Variants in DLGAP2 observed in about 807,000 individuals in gnomAD.
DLGAP2 encodes the protein disks large-associated protein 2.
In DLGAP2, 26 loss-of-function variants were observed where a neutral mutation model predicts 100.3. That is an observed-to-expected ratio of 0.26 (90% confidence interval 0.19 to 0.36). The LOEUF (loss-of-function observed/expected upper bound fraction) is 0.36, where lower values mean the gene tolerates loss of function less well. DLGAP2 is among the 10% of genes least tolerant of loss of function. The pLI, the probability that DLGAP2 is intolerant of heterozygous loss-of-function variation, is 1.00. For synonymous variants in DLGAP2, 886 were observed against 630.1 expected, an observed-to-expected ratio of 1.41 and a Z score of -6.08; for missense variants, 1,858 against 1,453.2, an observed-to-expected ratio of 1.28 and a Z score of -4.53.
At chr8:915,353 C>T (rs1405385533) in intron 2 of DLGAP2, among the ~76,000 whole-genome samples, 1 of 152,164 alleles carries the variant, frequency 6.6e-6, no homozygotes, top group Non-Finnish European at 1.5e-5. Flanking sequence ...CGGGACCGTC[C>T]TGGCTAACAC....
intron 2 of DLGAP2, among the ~76,000 whole-genome samples, chr8:960,274 C>T (rs953269535): frequency 9.3e-5 from 7 of 75,558 alleles, no homozygotes; most frequent in East Asian, 6.7e-4. Flanking sequence ...CTCACGCTGT[C>T]GTCCATGCTG....
At position 1,283,402 on chromosome 8, in the gene DLGAP2, C is replaced by T. The variant is rs115700810; in HGVS notation, c.106+24519C>T. 5.0e-3 allele frequency among the ~76,000 whole-genome samples: 763 copies of T among 152,288 alleles called. 9 individuals carry two copies. Among genetic ancestry groups the T allele is most frequent in the African/African-American group, 0.018 (730 of 41,562 alleles). On this transcript the variant is annotated intron_variant, in intron 3 of 14. Coordinates refer to ENST00000637795, the MANE Select transcript of DLGAP2 (RefSeq NM_001346810.2). ...AGACCTTCCACATTCATAAAAGGCA[C>T]GTGTCTTTGGGTATCATATGTTTGT...
At chr8:773,523 G>A in intron 1 of DLGAP2, among the ~76,000 whole-genome samples, 1 of 117,752 alleles carries the variant, frequency 8.5e-6, no homozygotes, top group Admixed American at 1.2e-4. Flanking sequence ...ACAGTCCCCA[G>A]AGTGTGATAT....
At chr8:1,392,557 C>T (rs1406567187) in intron 3 of DLGAP2, among the ~76,000 whole-genome samples, 3 of 152,178 alleles carry the variant, frequency 2.0e-5, no homozygotes, top group Non-Finnish European at 4.4e-5. Flanking sequence ...AGACCTTGTC[C>T]GAAAAGGCCC....
chr8:942,114 G>A (rs1034418912), intron 2 of DLGAP2, among the ~76,000 whole-genome samples: 1 of 152,164 alleles, frequency 6.6e-6, no homozygotes, highest in Middle Eastern at 3.2e-3. Context: ...ATGCCACTAT[G>A]TCCAGCTAAT....
chr8:783,105 G>C (rs565461370), intron 1 of DLGAP2, among the ~76,000 whole-genome samples: 1 of 152,194 alleles, frequency 6.6e-6, no homozygotes, highest in Non-Finnish European at 1.5e-5. Context: ...CACAATGACA[G>C]ATAATGTGAC....
At chr8:1,554,791 C>T (rs1007380429) in intron 5 of DLGAP2, among the ~76,000 whole-genome samples, 2 of 151,754 alleles carry the variant, frequency 1.3e-5, no homozygotes, top group Non-Finnish European at 2.9e-5. Flanking sequence ...CCCGCGCCCA[C>T]CACCCTCACG....
At chr8:1,235,014 C>T (rs1188460145) in intron 2 of DLGAP2, among the ~76,000 whole-genome samples, 8 of 9,370 alleles carry the variant, frequency 8.5e-4, no homozygotes, top group East Asian at 0.013. Context: ...TCACACATAG[C>T]GTTGTGTCTA....
intron 8 of DLGAP2, among the ~76,000 whole-genome samples, chr8:1,635,831 C>T (rs574264807): frequency 6.6e-6 from 1 of 152,144 alleles, no homozygotes; most frequent in Non-Finnish European, 1.5e-5. Context: ...TAAACATGGA[C>T]AGGTTGAGGT....
intron 7 of DLGAP2, among the ~76,000 whole-genome samples, chr8:1,631,912 T>C (rs1034832910): frequency 6.6e-6 from 1 of 152,214 alleles, no homozygotes; most frequent in African/African-American, 2.4e-5. Flanking sequence ...TTTACTCTGC[T>C]GACAACTAAA....
intron 1 of DLGAP2, among the ~76,000 whole-genome samples, chr8:846,787 A>G (rs1328146448): frequency 6.6e-6 from 1 of 152,128 alleles, no homozygotes; most frequent in Admixed American, 6.6e-5. Context: ...TCTTTTTGGT[A>G]ATAGCCATTC....
chr8:1,525,962 T>C (rs561723438), intron 4 of DLGAP2, among the ~76,000 whole-genome samples: 20 of 152,076 alleles, frequency 1.3e-4, no homozygotes, highest in Admixed American at 2.0e-4. Context: ...TGTTTCAGAT[T>C]TGGAATTTTT....
intron 5 of DLGAP2, among the ~76,000 whole-genome samples, chr8:1,563,850 C>G (rs1197912033): frequency 6.6e-6 from 1 of 152,158 alleles, no homozygotes; most frequent in Admixed American, 6.5e-5. Context: ...GATCGGCTCA[C>G]AGGCAATATG....
At chr8:1,590,218 A>G (rs1351690458) in intron 6 of DLGAP2, among the ~76,000 whole-genome samples, 3 of 151,978 alleles carry the variant, frequency 2.0e-5, no homozygotes, top group African/African-American at 7.3e-5. Context: ...CAGTGACCCT[A>G]TTTCCAAGCG....
intron 14 of DLGAP2, among the ~76,000 whole-genome samples, chr8:1,698,880 G>A (rs921747706): frequency 2.0e-5 from 3 of 149,964 alleles, no homozygotes; most frequent in African/African-American, 7.4e-5. Context: ...GTCTGCGTAA[G>A]CCATGCATGG....
chr8:1,307,422 G>C (rs1232371624), intron 3 of DLGAP2, among the ~76,000 whole-genome samples: 1 of 152,180 alleles, frequency 6.6e-6, no homozygotes, highest in Non-Finnish European at 1.5e-5. Flanking sequence ...TTTTTGGTGA[G>C]AATATAGAAA....
At chr8:1,234,616 C>A (rs559801876) in intron 2 of DLGAP2, among the ~76,000 whole-genome samples, 1 of 152,272 alleles carries the variant, frequency 6.6e-6, no homozygotes, top group East Asian at 1.9e-4. Context: ...ACAGGCTGTT[C>A]TAGATGGTTT....
rs150905603 is a variant in DLGAP2 at position 1,670,314 on chromosome 8, C to T, written c.2202+530C>T. 5.8e-4 allele frequency among the ~76,000 whole-genome samples: 89 copies of T among 152,344 alleles called. No homozygotes were observed. In the East Asian group the frequency reaches 0.014, roughly 24 times the overall value. On this transcript the variant is annotated intron_variant, in intron 10 of 14. Coordinates refer to ENST00000637795, the MANE Select transcript of DLGAP2 (RefSeq NM_001346810.2). ...CACAGTGCCGCCGCTTCCTGCCCCGCCCACAGCCAGGACCCCACACCCCTC... is the reference window on the plus strand; with the variant it reads ...CACAGTGCCGCCGCTTCCTGCCCCGTCCACAGCCAGGACCCCACACCCCTC...
chr8:1,079,018 C>G lies in DLGAP2; in HGVS notation c.73+171052C>G, dbSNP rs111528137. Among the ~76,000 whole-genome samples, 741 of 152,310 alleles carry G rather than the reference C, an allele frequency of 4.9e-3. 8 individuals carry two copies. The highest frequency in any genetic ancestry group is 0.017 in the African/African-American group (707 of 41,558). On this transcript the variant is annotated intron_variant, in intron 2 of 14. Coordinates refer to ENST00000637795, the MANE Select transcript of DLGAP2 (RefSeq NM_001346810.2). Reference sequence around the variant, plus strand: ...TTGGCTGCACCATTTTGTACTCCCACCAGCAGGGAGGAGAGTTCCTGTTGC... The same window carrying G: ...TTGGCTGCACCATTTTGTACTCCCAGCAGCAGGGAGGAGAGTTCCTGTTGC...
Sources: gnomAD v4.1 joint callset for allele counts (sites outside exome capture counted in the v4.1 genomes callset) on GRCh38, gnomAD v4.1.1 for gene constraint, MANE v1.5 for transcripts, NCBI Gene and HGNC (gene_info 2026-07-23, HGNC 2026-07-21) for gene names.